Variants in COXFA4 observed in about 807,000 individuals in gnomAD.
The protein encoded by COXFA4 is cytochrome c oxidase subunit FA4.
At chr7:10,939,182 A>G in the COXFA4 span, 3 of 333,512 alleles carry the variant, frequency 9.0e-6, no homozygotes, top group East Asian at 2.0e-4. Context: ...TTCCAAGAAA[A>G]TGTATCGAGT....
the COXFA4 span, chr7:10,932,343 C>T: frequency 1.3e-5 from 2 of 152,198 alleles, no homozygotes; most frequent in East Asian, 3.8e-4. Flanking sequence ...AGTCTGGTAA[C>T]TGAAAACACT....
At chr7:10,938,295 AT>A in the COXFA4 span, 14 of 687,738 alleles carry the variant, frequency 2.0e-5, no homozygotes, top group Admixed American at 1.0e-4. Context: ...CAGGTAGAGG[AT>A]CTATAATAAG....
the COXFA4 span, among the ~76,000 whole-genome samples, chr7:10,936,637 T>C: frequency 6.6e-6 from 1 of 152,208 alleles, no homozygotes; most frequent in Non-Finnish European, 1.5e-5. Context: ...GCTTAGCCAT[T>C]GCATTTTTAT....
the COXFA4 span, chr7:10,933,731 T>C: frequency 2.0e-6 from 3 of 1,473,080 alleles, no homozygotes; most frequent in South Asian, 1.1e-5. Context: ...TAATCTCAAA[T>C]ACACAGAGAC....
the COXFA4 span, chr7:10,938,215 A>G: frequency 7.6e-7 from 1 of 1,321,392 alleles, no homozygotes; most frequent in Non-Finnish European, 1.1e-6. Flanking sequence ...TACTAAGAAT[A>G]CATTTTTGAA....
the COXFA4 span, chr7:10,933,552 A>G: frequency 9.6e-7 from 1 of 1,040,518 alleles, no homozygotes; most frequent in Non-Finnish European, 1.5e-6. Flanking sequence ...GAGGAGAAAT[A>G]TTTCCTGGTT....
the COXFA4 span, among the ~76,000 whole-genome samples, chr7:10,934,662 C>T: frequency 6.6e-6 from 1 of 152,086 alleles, no homozygotes; most frequent in Non-Finnish European, 1.5e-5. Flanking sequence ...TTCATTCTTT[C>T]TTCAAACCCC....
chr7:10,935,779 G>A, the COXFA4 span, among the ~76,000 whole-genome samples: 1 of 152,226 alleles, frequency 6.6e-6, no homozygotes, highest in Admixed American at 6.5e-5. Flanking sequence ...CTGGTCTACA[G>A]TATCTTGTTA....
the COXFA4 span, chr7:10,932,005 ACT>A: frequency 6.6e-6 from 1 of 152,140 alleles, no homozygotes; most frequent in Non-Finnish European, 1.5e-5. Context: ...TACATGACAC[ACT>A]GTTTGTTTAC....
chr7:10,938,376 C>T, the COXFA4 span: 1 of 523,164 alleles, frequency 1.9e-6, no homozygotes, highest in South Asian at 2.9e-5. Context: ...TTTTATCTGG[C>T]TTTCACAAAA....
At chr7:10,938,550 T>A in the COXFA4 span, 3 of 447,124 alleles carry the variant, frequency 6.7e-6, no homozygotes, top group Non-Finnish European at 1.2e-5. Context: ...CAATTATTTT[T>A]ATGTCAATCC....
the COXFA4 span, chr7:10,933,361 A>C: frequency 2.5e-6 from 1 of 396,306 alleles, no homozygotes; most frequent in Non-Finnish European, 4.6e-6. Flanking sequence ...GTATTTTCAA[A>C]CTACAGAAAT....
the COXFA4 span, chr7:10,940,011 C>G: frequency 6.2e-7 from 1 of 1,613,884 alleles, no homozygotes; most frequent in African/African-American, 1.3e-5. Context: ...CGGTCACGAA[C>G]TTACGCTCGG....
the COXFA4 span, chr7:10,938,075 A>G: frequency 6.2e-7 from 1 of 1,610,860 alleles, no homozygotes. Context: ...ACTTTAAAAC[A>G]ATTTTGTAGT....
the COXFA4 span, among the ~76,000 whole-genome samples, chr7:10,934,951 G>C: frequency 2.0e-5 from 3 of 152,210 alleles, no homozygotes; most frequent in South Asian, 2.1e-4. Flanking sequence ...CAAAATATCA[G>C]AAATAATTTA....
the COXFA4 span, among the ~76,000 whole-genome samples, chr7:10,937,493 G>C: frequency 6.6e-6 from 1 of 152,080 alleles, no homozygotes; most frequent in African/African-American, 2.4e-5. Context: ...ATATTGGCCA[G>C]GCTGATTTCC....
the COXFA4 span, chr7:10,938,478 A>C: frequency 2.4e-6 from 1 of 422,370 alleles, no homozygotes; most frequent in African/African-American, 2.0e-5. Context: ...TTCAACTGCA[A>C]ATGTGCAAGT....
chr7:10,934,478 A>C, the COXFA4 span, among the ~76,000 whole-genome samples: 1 of 151,980 alleles, frequency 6.6e-6, no homozygotes, highest in African/African-American at 2.4e-5. Flanking sequence ...ATGCTTGTAC[A>C]CAAGCCCAAA....
the COXFA4 span, chr7:10,939,815 G>A: frequency 2.9e-6 from 2 of 691,274 alleles, no homozygotes; most frequent in African/African-American, 1.8e-5. Context: ...CCTTCCTCCT[G>A]TCAGACAAAA....
Sources: allele counts gnomAD v4.1 joint callset (sites outside exome capture counted in the v4.1 genomes callset), GRCh38; gene constraint gnomAD v4.1.1; transcripts MANE v1.5; gene names NCBI Gene and HGNC (gene_info 2026-07-23, HGNC 2026-07-21).